TRPC5: variants seen among roughly 807,000 people sequenced by gnomAD.
TRPC5 encodes transient receptor potential cation channel subfamily C member 5.
In TRPC5, 9 loss-of-function variants were observed where a neutral mutation model predicts 56.5. That is an observed-to-expected ratio of 0.16 (90% CI 0.10 to 0.28). TRPC5 has a LOEUF of 0.28. Among genes scored for constraint, TRPC5 ranks in the 10% least tolerant of loss-of-function variants. TRPC5 has a pLI of 1.00. For missense variants in TRPC5, 469 were observed against 748.9 expected, an observed-to-expected ratio of 0.63 and a Z score of 4.36; for synonymous variants, 282 against 278.5, an observed-to-expected ratio of 1.01 and a Z score of -0.13.
At chrX:112,014,270 G>A (rs1382740155) in intron 1 of TRPC5, among the ~76,000 whole-genome samples, 1 of 112,334 alleles carries the variant, frequency 8.9e-6, no homozygotes, top group Non-Finnish European at 1.9e-5. Context: ...AATGGTTTGG[G>A]AGATAGTACC....
chrX:112,039,933 GA>G lies in TRPC5; in HGVS notation c.-22+41945del, dbSNP rs762722617. ...TGACCTTGGCATTTACCTGACTACT[GA>G]ATATCTTGGAGGAAAGGCAAGCACA... On this transcript the variant is annotated intron_variant, in intron 1 of 10. Transcript: ENST00000262839. Among the ~76,000 whole-genome samples the G allele has an allele frequency of 2.5e-3, 277 of 112,077 alleles. 1 individual carries two copies. The highest frequency in any genetic ancestry group is 2.0e-3 in the Non-Finnish European group (104 of 53,228).
chrX:111,829,301 CAAAAA>C (rs34464345), intron 7 of TRPC5, among the ~76,000 whole-genome samples: 1 of 22,364 alleles, frequency 4.5e-5, no homozygotes, highest in South Asian at 2.6e-3. Context: ...GACTCTGTCT[CAAAAA>C]AAAAAAAAAA....
At chrX:111,875,713 C>T (rs780111560) in intron 3 of TRPC5, among the ~76,000 whole-genome samples, 1 of 108,140 alleles carries the variant, frequency 9.2e-6, no homozygotes, top group East Asian at 2.9e-4. Context: ...CTCCTAGTTC[C>T]TGCAGCAACT....
chrX:111,776,283 G>T lies in TRPC5; in HGVS notation c.*30C>A. ...AGCAAGGAAATTACAGATTTCTGTT[G>T]AGTTCCAGAACAGATGATTAGGGCT... is the stretch of plus-strand genomic sequence containing the variant. On this transcript the variant is annotated 3_prime_UTR_variant, in exon 11 of 11. Transcript: ENST00000262839. 9.1e-7 allele frequency: 1 copy of T among 1,104,720 alleles called. No individual in the cohort carries two copies. Among genetic ancestry groups the T allele is most frequent in the Non-Finnish European group, 1.2e-6 (1 of 838,583 alleles). 91.0% of individuals were successfully genotyped at this position (1,104,720 alleles called of 1,213,427 possible). A position where few individuals can be genotyped will look rare whatever the true frequency, so the allele number is the denominator to read the frequency against.
At chrX:111,886,442 C>A (rs1924498602) in intron 3 of TRPC5, among the ~76,000 whole-genome samples, 1 of 112,029 alleles carries the variant, frequency 8.9e-6, no homozygotes, top group Admixed American at 9.4e-5. Flanking sequence ...GTAGATTATG[C>A]TTGCATTGAC....
chrX:111,896,926 G>A (rs1242318964), intron 3 of TRPC5, among the ~76,000 whole-genome samples: 1 of 112,050 alleles, frequency 8.9e-6, no homozygotes, highest in Non-Finnish European at 1.9e-5. Flanking sequence ...TACAGGTTGA[G>A]TATCTCTAAT....
intron 1 of TRPC5, among the ~76,000 whole-genome samples, chrX:112,045,902 T>C (rs149450624): frequency 1.8e-3 from 205 of 111,638 alleles, no homozygotes; most frequent in African/African-American, 6.2e-3. Context: ...CTAACTGCTT[T>C]AATTTCTAGT....
intron 5 of TRPC5, 117 bp downstream of exon 5, chrX:111,852,181 A>C (rs1923103669): frequency 1.5e-6 from 1 of 688,391 alleles, no homozygotes; most frequent in South Asian, 3.3e-5. Flanking sequence ...GTAATTTCCC[A>C]CATGGATTGA....
intron 1 of TRPC5, among the ~76,000 whole-genome samples, chrX:111,963,191 C>G (rs1323701586): frequency 8.9e-6 from 1 of 112,537 alleles, no homozygotes; most frequent in Non-Finnish European, 1.9e-5. Flanking sequence ...GCACATGGCT[C>G]AGAGGGTCCT....
intron 3 of TRPC5, among the ~76,000 whole-genome samples, chrX:111,867,763 G>A (rs775488016): frequency 2.7e-5 from 3 of 111,481 alleles, no homozygotes; most frequent in East Asian, 2.8e-4. Context: ...ATTTCTCTTC[G>A]GCCGCTAAAA....
At chrX:111,969,086 C>T (rs1403087427) in intron 1 of TRPC5, among the ~76,000 whole-genome samples, 1 of 110,135 alleles carries the variant, frequency 9.1e-6, no homozygotes, top group East Asian at 2.8e-4. Context: ...GCCACTTCAA[C>T]CTTCAGCAAC....
chrX:111,905,647 G>T (rs1001754522), intron 3 of TRPC5, among the ~76,000 whole-genome samples: 4 of 111,777 alleles, frequency 3.6e-5, no homozygotes, highest in African/African-American at 6.5e-5. Context: ...GGACGCGGTG[G>T]CTCACGCCTG....
chrX:111,892,887 A>C (rs17004013), intron 3 of TRPC5, among the ~76,000 whole-genome samples: 18,387 of 111,034 alleles, frequency 0.17, 2,803 homozygotes, highest in African/African-American at 0.49. Flanking sequence ...GAATTTCTCC[A>C]GTGCAATTAT....
intron 1 of TRPC5, among the ~76,000 whole-genome samples, chrX:112,014,695 C>A (rs745527193): frequency 8.9e-6 from 1 of 111,979 alleles, no homozygotes; most frequent in Admixed American, 9.5e-5. Flanking sequence ...ACTGGTAATA[C>A]CTCCTGATTT....
chrX:111,779,898 A>T (rs1182274584), intron 9 of TRPC5, among the ~76,000 whole-genome samples: 2 of 110,188 alleles, frequency 1.8e-5, no homozygotes, highest in Admixed American at 9.7e-5. Flanking sequence ...TGCAGGAATC[A>T]TTTTTTTTTG....
chrX:112,075,244 G>A (rs1930809066), intron 1 of TRPC5, among the ~76,000 whole-genome samples: 1 of 112,244 alleles, frequency 8.9e-6, no homozygotes, highest in Non-Finnish European at 1.9e-5. Flanking sequence ...TCAGCATAAT[G>A]TAGGCCAACA....
intron 2 of TRPC5, among the ~76,000 whole-genome samples, chrX:111,934,418 A>T (rs1281862116): frequency 9.0e-6 from 1 of 111,241 alleles, no homozygotes; most frequent in Non-Finnish European, 1.9e-5. Context: ...TAATAATCAT[A>T]TCAGGATAAA....
intron 7 of TRPC5, among the ~76,000 whole-genome samples, chrX:111,799,684 A>T (rs1007724581): frequency 9.0e-6 from 1 of 111,497 alleles, no homozygotes. Context: ...GCTAGAGAAA[A>T]CTGTGCCTAG....
In TRPC5 at chrX:112,076,551, T is replaced by C. The variant is rs183537333; in HGVS notation, c.-22+5328A>G. 6.0e-3 allele frequency among the ~76,000 whole-genome samples: 672 copies of C among 111,952 alleles called. 5 individuals are homozygous for C. Among genetic ancestry groups the C allele is most frequent in the African/African-American group, 0.02 (623 of 30,840 alleles). On this transcript the variant is annotated intron_variant, in intron 1 of 10. Coordinates refer to ENST00000262839, the MANE Select transcript of TRPC5 (RefSeq NM_012471.3). ...GGTTATTATTTGTGCATTTTAAAGA[T>C]TTTATCAGGCAGAAACCTAGTTCTG...
Sources: gnomAD v4.1 joint callset for allele counts (sites outside exome capture counted in the v4.1 genomes callset) on GRCh38, gnomAD v4.1.1 for gene constraint, MANE v1.5 for transcripts, NCBI Gene and HGNC (gene_info 2026-07-23, HGNC 2026-07-21) for gene names.